GOLGA6L9: variants seen among roughly 807,000 people sequenced by gnomAD.
GOLGA6L9 encodes the protein golgin subfamily A member 6-like protein 9.
Under a neutral mutation model 51.3 loss-of-function variants are expected in GOLGA6L9, and 19 were observed. The ratio of observed to expected loss-of-function variants is 0.37; its 90% CI spans 0.26 to 0.54. The LOEUF (loss-of-function observed/expected upper bound fraction) is 0.54. Among genes scored for constraint, GOLGA6L9 ranks in the 20% least tolerant of loss-of-function variants. GOLGA6L9 has a pLI of 0.83. For missense variants in GOLGA6L9, 247 were observed against 464.1 expected (o/e 0.53, Z 4.30); for synonymous variants, 97 against 184.2 (o/e 0.53, Z 3.83).
At position 82,429,925 on chromosome 15, in the gene GOLGA6L9, T is replaced by G. The variant is rs2031350822; in HGVS notation, c.-155T>G. The G allele has an allele frequency of 3.2e-6, 3 of 945,186 alleles. No homozygotes were observed. The highest frequency in any genetic ancestry group is 5.2e-6 in the Non-Finnish European group (3 of 578,322). 58.5% of individuals were successfully genotyped at this position (945,186 alleles called of 1,614,324 possible). ...GCGCCTGGCCACGCCTCCTTTCCCT[T>G]TCATCTTTCTCACTGACCAATGGGC... On this transcript the variant is annotated 5_prime_UTR_variant, in exon 1 of 9. Transcript: ENST00000618348.
At chr15:82,431,989 C>T (rs1192885509) in intron 2 of GOLGA6L9, 40 bp downstream of exon 2, 2 of 1,330,986 alleles carry the variant, frequency 1.5e-6, no homozygotes, top group African/African-American at 1.5e-5. Flanking sequence ...ACAGGGAGCC[C>T]AAGGGGCAGT....
chr15:82,434,072 A>C lies in GOLGA6L9; in HGVS notation c.472A>C (p.Lys158Gln), dbSNP rs1174599492. ...LAPQPPAGPS[K>Q]MEQLQDETNH... ...CCCACAGCCCCCAGCAGGGCCATCT[A>C]AGATGGAGCAGCTACAAGATGAGAC... Residue 158 changes from lysine to glutamine, a missense_variant, in exon 6 of 9, where the codon AAG becomes CAG. Around this residue, in one of 9 missense-constraint regions of GOLGA6L9, gnomAD observed 25 missense variants for 49.6 expected, o/e 0.50. Transcript: ENST00000618348. 1.7e-5 allele frequency: 25 copies of C among 1,495,362 alleles called. No homozygotes were observed. In the East Asian group the frequency reaches 5.6e-4, roughly 33 times the overall value. 92.6% of individuals were successfully genotyped at this position (1,495,362 alleles called of 1,614,324 possible). A position where few individuals can be genotyped will look rare whatever the true frequency, so the allele number is the denominator to read the frequency against.
Position 82,429,897 on chromosome 15 carries a change from G to A in GOLGA6L9, c.-183G>A, listed in dbSNP as rs1297451481. 6 of 786,022 alleles carry A rather than the reference G, an allele frequency of 7.6e-6. No homozygotes were observed. The African/African-American group carries it at 1.0e-4, about 13-fold the overall frequency. The allele number at this position is 786,022 out of a possible 1,614,324, so 48.7% of individuals were successfully genotyped here. A position where few individuals can be genotyped will look rare whatever the true frequency, so the allele number is the denominator to read the frequency against. ...TGATGCTACAGGTCCCTCTGGACAT[G>A]CTGCGCCTGGCCACGCCTCCTTTCC... On this transcript the variant is annotated 5_prime_UTR_variant, in exon 1 of 9. It removes an upstream start codon present in the reference 5' UTR. Coordinates refer to ENST00000618348, the MANE Select transcript of GOLGA6L9 (RefSeq NM_198181.4).
At chr15:82,421,563 GGA>G in the GOLGA6L9 span, among the ~76,000 whole-genome samples, 2 of 78,866 alleles carry the variant, frequency 2.5e-5, no homozygotes, top group Non-Finnish European at 4.5e-5. Flanking sequence ...AAAGAAAGAT[GGA>G]CTCATTAAAT....
At chr15:82,427,832 G>A (rs2150824001), upstream of GOLGA6L9, among the ~76,000 whole-genome samples, 1 of 112,804 alleles carries the variant, frequency 8.9e-6, no homozygotes, top group South Asian at 3.8e-4. Flanking sequence ...CTGACTGAGA[G>A]TTTAGTTTTG....
chr15:82,421,601 TGAG>T, the GOLGA6L9 span, among the ~76,000 whole-genome samples: 1 of 72,230 alleles, frequency 1.4e-5, no homozygotes, highest in Non-Finnish European at 2.4e-5. Context: ...CCACCAGGAA[TGAG>T]GAGGAGGACC....
At chr15:82,427,520 G>A (rs1179747937), upstream of GOLGA6L9, among the ~76,000 whole-genome samples, 4 of 149,400 alleles carry the variant, frequency 2.7e-5, no homozygotes, top group East Asian at 6.0e-4. Context: ...TGATTTTAGT[G>A]TAAACAGGAG....
the GOLGA6L9 span, among the ~76,000 whole-genome samples, chr15:82,419,583 G>C: frequency 6.6e-5 from 10 of 152,192 alleles, no homozygotes; most frequent in Middle Eastern, 3.4e-3. Flanking sequence ...CCGGGAGGCA[G>C]AGCTTGCAGT....
rs2031567281 is a variant in GOLGA6L9, at chr15:82,434,354, G to T, written c.754G>T (p.Val252Leu). The T allele has an allele frequency of 9.9e-6, 15 of 1,519,676 alleles. No individual in the cohort carries two copies. The South Asian group carries it at 1.6e-4, about 16-fold the overall frequency. 94.1% of individuals were successfully genotyped at this position (1,519,676 alleles called of 1,614,324 possible). Residue 252 changes from valine (V) to leucine (L), a missense_variant, in exon 6 of 9, where the codon GTG becomes TTG. Val to Leu is a conservative substitution (Grantham distance 32). Around this residue, in one of 9 missense-constraint regions of GOLGA6L9, gnomAD observed 35 missense variants for 86.2 expected, o/e 0.41. Coordinates refer to ENST00000618348, the MANE Select transcript of GOLGA6L9 (RefSeq NM_198181.4). The part of the protein sequence containing the change: ...LPGQERLLEE[V>L]EKLLEQERRQ... ...AGGGCAGGAGAGGCTGCTGGAAGAG[G>T]TGGAGAAGCTGTTAGAACAGGAGAG...
the GOLGA6L9 span, chr15:82,420,079 A>C: frequency 1.5e-4 from 62 of 401,312 alleles, no homozygotes; most frequent in African/African-American, 8.6e-4. Flanking sequence ...AAAGAAGGTA[A>C]TTTTATTAAG....
At position 82,438,611 on chromosome 15, in the gene GOLGA6L9, C is replaced by G. The variant is rs2031809656; in HGVS notation, c.*2200C>G. The G allele has an allele frequency of 1.4e-5, 2 of 138,250 alleles. No homozygotes were observed. The highest frequency in any genetic ancestry group is 4.2e-4 in the East Asian group (2 of 4,800). The allele number at this position is 138,250 out of a possible 1,614,324, so 8.6% of individuals were successfully genotyped here. On this transcript the variant is annotated 3_prime_UTR_variant, in exon 9 of 9. Transcript: ENST00000618348. ...AGGAACATAGAATTTTAAAATGTGA[C>G]TTCAACTGAATAAATTTGAATTTCT...
chr15:82,430,250 G>A, intron 1 of GOLGA6L9, 87 bp downstream of exon 1: 2 of 432,694 alleles, frequency 4.6e-6, no homozygotes, highest in East Asian at 3.8e-5. Context: ...CCACTCCTGA[G>A]GCATACCAGA....
chr15:82,416,667 G>A, the GOLGA6L9 span, among the ~76,000 whole-genome samples: 3 of 152,146 alleles, frequency 2.0e-5, no homozygotes, highest in Admixed American at 6.5e-5. Flanking sequence ...AGGAAGAAGT[G>A]AAAAATGTGA....
At chr15:82,418,032 C>G in the GOLGA6L9 span, among the ~76,000 whole-genome samples, 1 of 152,180 alleles carries the variant, frequency 6.6e-6, no homozygotes, top group South Asian at 2.1e-4. Context: ...TTCCATTAAA[C>G]TTTCACTTTG....
At chr15:82,420,150 A>T in the GOLGA6L9 span, 1 of 182,816 alleles carries the variant, frequency 5.5e-6, no homozygotes, top group African/African-American at 2.4e-5. Flanking sequence ...TCCTATCTTA[A>T]TTCTTTTTGA....
chr15:82,429,903 C>T lies in GOLGA6L9; in HGVS notation c.-177C>T. On this transcript the variant is annotated 5_prime_UTR_variant, in exon 1 of 9. Coordinates refer to ENST00000618348, the MANE Select transcript of GOLGA6L9 (RefSeq NM_198181.4). ...TACAGGTCCCTCTGGACATGCTGCG[C>T]CTGGCCACGCCTCCTTTCCCTTTCA... 2.5e-6 allele frequency: 2 copies of T among 812,496 alleles called. No homozygotes were observed. Among genetic ancestry groups the T allele is most frequent in the East Asian group, 2.4e-5 (1 of 41,330 alleles). The allele number at this position is 812,496 out of a possible 1,614,324, so 50.3% of individuals were successfully genotyped here. A position where few individuals can be genotyped will look rare whatever the true frequency, so the allele number is the denominator to read the frequency against.
chr15:82,427,508 C>G (rs1173499792), upstream of GOLGA6L9, among the ~76,000 whole-genome samples: 1 of 150,864 alleles, frequency 6.6e-6, no homozygotes, highest in South Asian at 2.1e-4. Context: ...CTTTTAACTT[C>G]GTGATTTTAG....
chr15:82,438,425 C>G lies in GOLGA6L9; in HGVS notation c.*2014C>G, dbSNP rs1371761234. 6.6e-6 allele frequency: 1 copy of G among 150,638 alleles called. No individual in the cohort carries two copies. The highest frequency in any genetic ancestry group is 2.4e-5 in the African/African-American group (1 of 41,180). 9.3% of individuals were successfully genotyped at this position (150,638 alleles called of 1,614,324 possible). A position where few individuals can be genotyped will look rare whatever the true frequency, so the allele number is the denominator to read the frequency against. Reference sequence around the variant, plus strand: ...GAAAAAGCTAAAGAGAATGGAAATCCTATGACAATAACTATGACAATAACT... The same window carrying G: ...GAAAAAGCTAAAGAGAATGGAAATCGTATGACAATAACTATGACAATAACT... On this transcript the variant is annotated 3_prime_UTR_variant, in exon 9 of 9. Transcript: ENST00000618348.
the GOLGA6L9 span, among the ~76,000 whole-genome samples, chr15:82,417,658 T>C: frequency 6.6e-6 from 1 of 152,202 alleles, no homozygotes. Flanking sequence ...AAAGGTGGTG[T>C]TGGTTGGATA....
Sources: gnomAD v4.1 joint callset for allele counts (sites outside exome capture counted in the v4.1 genomes callset) on GRCh38, gnomAD v4.1.1 for gene constraint, gnomAD v4.1.1 regional missense constraint, MANE v1.5 for transcripts, NCBI Gene and HGNC (gene_info 2026-07-23, HGNC 2026-07-21) for gene names.